NOL10: variants seen among roughly 807,000 people sequenced by gnomAD.
NOL10 encodes nucleolar protein 10.
NOL10 carries 58 observed loss-of-function variants against 103.5 expected under a neutral mutation model. The observed-to-expected ratio is 0.56, with a 90% CI of 0.45 to 0.70. NOL10 has a LOEUF of 0.70. Ranked by LOEUF, NOL10 falls within the 30% of genes least tolerant of loss-of-function variation. NOL10 has a pLI of 0.00. For synonymous variants in NOL10, 287 were observed against 282.5 expected, an observed-to-expected ratio of 1.02 and a Z score of -0.16; for missense variants, 763 against 807.3, an observed-to-expected ratio of 0.95 and a Z score of 0.67.
intron 17 of NOL10, among the ~76,000 whole-genome samples, chr2:10,600,241 C>T (rs760604241): frequency 2.6e-5 from 4 of 152,166 alleles, no homozygotes; most frequent in Non-Finnish European, 5.9e-5. Context: ...CACCTCTGGA[C>T]AATACCAACT....
intron 17 of NOL10, among the ~76,000 whole-genome samples, chr2:10,597,996 G>A (rs993490884): frequency 2.0e-5 from 3 of 152,198 alleles, no homozygotes; most frequent in South Asian, 2.1e-4. Context: ...TCAACGGAAC[G>A]TAGATGTGAC....
intron 2 of NOL10, 95 bp from the exon 3 acceptor site, chr2:10,682,164 A>C: frequency 2.2e-6 from 1 of 445,214 alleles, no homozygotes; most frequent in Non-Finnish European, 3.8e-6. Context: ...CCACAACTAT[A>C]AACAGGTGAA....
At chr2:10,592,916 G>C (rs1181619126) in intron 17 of NOL10, among the ~76,000 whole-genome samples, 1 of 152,052 alleles carries the variant, frequency 6.6e-6, no homozygotes, top group Non-Finnish European at 1.5e-5. Context: ...TGTTCTATAG[G>C]AGCTTACAAG....
chr2:10,680,413 AAAGG>A (rs1358874573), intron 3 of NOL10, among the ~76,000 whole-genome samples: 1 of 149,350 alleles, frequency 6.7e-6, no homozygotes, highest in African/African-American at 2.4e-5. Context: ...GAGAAGGAGA[AAAGG>A]AACCATTAAT....
intron 13 of NOL10, among the ~76,000 whole-genome samples, chr2:10,626,294 AAGG>A (rs995216059): frequency 6.6e-6 from 1 of 152,238 alleles, no homozygotes; most frequent in African/African-American, 2.4e-5. Context: ...TCTAAGAACC[AAGG>A]ACACAGCAAA....
intron 11 of NOL10, among the ~76,000 whole-genome samples, chr2:10,656,578 A>G (rs1443647462): frequency 6.6e-6 from 1 of 152,236 alleles, no homozygotes; most frequent in African/African-American, 2.4e-5. Context: ...AACAAAATGA[A>G]ATTTAAAAAA....
At chr2:10,640,661 C>A (rs1486139209) in intron 13 of NOL10, among the ~76,000 whole-genome samples, 2 of 152,134 alleles carry the variant, frequency 1.3e-5, no homozygotes, top group Non-Finnish European at 2.9e-5. Flanking sequence ...TCATCACCAG[C>A]CCCTCATACT....
At chr2:10,634,642 C>G in intron 13 of NOL10, 2 of 455,958 alleles carry the variant, frequency 4.4e-6, no homozygotes, top group Admixed American at 4.7e-5. Context: ...AACAAGCTCC[C>G]TGGGAGAGAA....
At chr2:10,639,708 T>C (rs1382670834) in intron 13 of NOL10, among the ~76,000 whole-genome samples, 2 of 152,118 alleles carry the variant, frequency 1.3e-5, no homozygotes, top group Non-Finnish European at 2.9e-5. Flanking sequence ...TAACCTAAGA[T>C]TAAATTATGT....
intron 13 of NOL10, among the ~76,000 whole-genome samples, chr2:10,642,159 C>T (rs1027849909): frequency 1.3e-5 from 2 of 152,234 alleles, no homozygotes; most frequent in Non-Finnish European, 2.9e-5. Context: ...GAGAAAACTA[C>T]GTAACGCTGG....
chr2:10,653,056 C>T (rs1463498747), intron 12 of NOL10, among the ~76,000 whole-genome samples: 7 of 152,020 alleles, frequency 4.6e-5, no homozygotes, highest in African/African-American at 1.2e-4. Context: ...ATCAGCCAGG[C>T]GTGGTGGTGC....
At chr2:10,600,732 T>C in intron 17 of NOL10, 121 bp downstream of exon 17, 2 of 674,076 alleles carry the variant, frequency 3.0e-6, no homozygotes, top group African/African-American at 3.7e-5. Flanking sequence ...CATATACTAA[T>C]CTTATACGCA....
chr2:10,630,484 G>A (rs540324071), intron 13 of NOL10, among the ~76,000 whole-genome samples: 4 of 152,168 alleles, frequency 2.6e-5, no homozygotes, highest in East Asian at 1.9e-4. Context: ...AGGCTGAGGC[G>A]GGCGGATCAT....
chr2:10,644,078 C>T (rs959443325), intron 13 of NOL10, among the ~76,000 whole-genome samples: 2 of 152,016 alleles, frequency 1.3e-5, no homozygotes, highest in Non-Finnish European at 2.9e-5. Flanking sequence ...GGCAAAACCC[C>T]GTCTCTACCA....
intron 11 of NOL10, among the ~76,000 whole-genome samples, chr2:10,657,030 C>A (rs1679880540): frequency 6.6e-6 from 1 of 152,046 alleles, no homozygotes; most frequent in South Asian, 2.1e-4. Context: ...AGAAATATAG[C>A]TTTTAAGGCC....
chr2:10,587,621 T>C (rs12476554), intron 19 of NOL10, among the ~76,000 whole-genome samples: 52,030 of 151,302 alleles, frequency 0.34, 9,362 homozygotes, highest in Non-Finnish European at 0.4. Context: ...AGCCCTCGAG[T>C]TGTTCAAGGG....
At chr2:10,680,681 C>T (rs896858128) in intron 3 of NOL10, among the ~76,000 whole-genome samples, 1 of 152,082 alleles carries the variant, frequency 6.6e-6, no homozygotes, top group South Asian at 2.1e-4. Context: ...TTAGTTAGTA[C>T]TGAGATAATC....
chr2:10,689,970 C>A lies in NOL10; in HGVS notation c.-109G>T. ...GCTCCGCGGCGTGCGGCCGCTGGCG[C>A]CGACTGATGACGCACTTCCTGGAGC... On this transcript the variant is annotated 5_prime_UTR_variant, in exon 1 of 21. Transcript: ENST00000381685. 5.0e-6 allele frequency: 5 copies of A among 991,966 alleles called. No individual in the cohort carries two copies. The highest frequency in any genetic ancestry group is 7.6e-6 in the Non-Finnish European group (5 of 660,878). The allele number at this position is 991,966 out of a possible 1,614,324, so 61.4% of individuals were successfully genotyped here.
At chr2:10,572,841 C>G (rs899065846) in intron 20 of NOL10, among the ~76,000 whole-genome samples, 1 of 152,262 alleles carries the variant, frequency 6.6e-6, no homozygotes, top group Middle Eastern at 3.4e-3. Flanking sequence ...GACTCTCGGG[C>G]TGACTGCTGG....
Sources: allele counts gnomAD v4.1 joint callset (sites outside exome capture counted in the v4.1 genomes callset), GRCh38; gene constraint gnomAD v4.1.1; transcripts MANE v1.5; gene names NCBI Gene and HGNC (gene_info 2026-07-23, HGNC 2026-07-21).